PTPRK: variants seen among roughly 807,000 people sequenced by gnomAD.
The protein encoded by PTPRK is protein tyrosine phosphatase receptor type K.
A neutral mutation model predicts 178.0 loss-of-function variants in PTPRK; 75 were observed. That is an observed-to-expected ratio of 0.42 (90% confidence interval 0.35 to 0.51). The LOEUF is 0.51. Among genes scored for constraint, PTPRK ranks in the 20% least tolerant of loss-of-function variants. The pLI is 0.02. For missense variants in PTPRK, 1,441 were observed against 1,797.8 expected, an observed-to-expected ratio of 0.80 and a Z score of 3.59; for synonymous variants, 637 against 620.6, an observed-to-expected ratio of 1.03 and a Z score of -0.39.
intron 3 of PTPRK, among the ~76,000 whole-genome samples, chr6:128,296,428 T>C (rs1430624840): frequency 6.6e-6 from 1 of 152,050 alleles, no homozygotes; most frequent in Non-Finnish European, 1.5e-5. Flanking sequence ...ATTGTCAGAT[T>C]CACCAAAGTT....
chr6:128,043,036 T>A (rs1160483188), intron 13 of PTPRK, among the ~76,000 whole-genome samples: 1 of 152,038 alleles, frequency 6.6e-6, no homozygotes. Flanking sequence ...AATTTAGACT[T>A]TACTGTTGAT....
chr6:128,425,597 C>T lies in PTPRK; in HGVS notation c.101-27909G>A, dbSNP rs529956021. On this transcript the variant is annotated intron_variant, in intron 1 of 29. Transcript: ENST00000368226. ...TTTCATAACTTTTCTTCTACAACTA[C>T]CACAACTATCCCAGGTTAGACCAAC... Among the ~76,000 whole-genome samples, 3 of 152,272 alleles carry T rather than the reference C, an allele frequency of 2.0e-5. No individual in the cohort carries two copies. The South Asian group carries it at 6.2e-4, about 32-fold the overall frequency.
intron 1 of PTPRK, among the ~76,000 whole-genome samples, chr6:128,481,706 AT>A (rs1852103188): frequency 6.6e-6 from 1 of 152,064 alleles, no homozygotes; most frequent in Non-Finnish European, 1.5e-5. Flanking sequence ...GATTGAAAAT[AT>A]TATAATTATA....
At chr6:128,296,688 A>G (rs557219809) in intron 3 of PTPRK, among the ~76,000 whole-genome samples, 7,370 of 152,198 alleles carry the variant, frequency 0.048, 598 homozygotes, top group African/African-American at 0.17. Flanking sequence ...AGATTTTGTC[A>G]CCACCAGGCC....
At chr6:128,125,195 T>C (rs545476469) in intron 7 of PTPRK, among the ~76,000 whole-genome samples, 1 of 152,302 alleles carries the variant, frequency 6.6e-6, no homozygotes, top group African/African-American at 2.4e-5. Flanking sequence ...TGAATCTGTG[T>C]CCCCACCCAA....
intron 1 of PTPRK, among the ~76,000 whole-genome samples, chr6:128,479,597 G>A (rs999272267): frequency 6.6e-6 from 1 of 151,994 alleles, no homozygotes; most frequent in Non-Finnish European, 1.5e-5. Flanking sequence ...TCACACATAG[G>A]TTTTCACTCT....
At chr6:128,411,106 T>C (rs973781063) in intron 1 of PTPRK, among the ~76,000 whole-genome samples, 1 of 152,134 alleles carries the variant, frequency 6.6e-6, no homozygotes, top group South Asian at 2.1e-4. Flanking sequence ...CTGCCCAGGC[T>C]AGTCTCGAAC....
At chr6:128,132,117 C>T (rs1214174090) in intron 7 of PTPRK, among the ~76,000 whole-genome samples, 4 of 152,260 alleles carry the variant, frequency 2.6e-5, no homozygotes, top group South Asian at 4.2e-4. Context: ...TAAAAGCACA[C>T]TAAAATACTA....
chr6:128,321,807 C>A, intron 3 of PTPRK: 1 of 713,154 alleles, frequency 1.4e-6, no homozygotes, highest in South Asian at 1.5e-5. Context: ...GGTTTTGTGC[C>A]AATGTCTCCA....
At chr6:128,354,298 C>A (rs1833661649) in intron 2 of PTPRK, among the ~76,000 whole-genome samples, 1 of 113,498 alleles carries the variant, frequency 8.8e-6, no homozygotes, top group Non-Finnish European at 1.6e-5. Context: ...AGTGTAGTGG[C>A]ACCATCTCGG....
chr6:128,224,707 G>A (rs915937956), intron 5 of PTPRK, among the ~76,000 whole-genome samples: 6 of 152,168 alleles, frequency 3.9e-5, no homozygotes, highest in Admixed American at 1.3e-4. Context: ...TTCTGGCCAA[G>A]GAGATATGAT....
chr6:128,200,151 C>A (rs1363526713), intron 6 of PTPRK, among the ~76,000 whole-genome samples: 1 of 152,066 alleles, frequency 6.6e-6, no homozygotes, highest in African/African-American at 2.4e-5. Context: ...GAATATATTT[C>A]TTTTATGTAA....
At chr6:128,378,184 T>C (rs1005620660) in intron 2 of PTPRK, among the ~76,000 whole-genome samples, 24 of 152,120 alleles carry the variant, frequency 1.6e-4, no homozygotes, top group Admixed American at 8.5e-4. Context: ...AGAAAACAAA[T>C]ATAATTAAGT....
intron 25 of PTPRK, 26 bp downstream of exon 25, chr6:127,981,090 C>T (rs1775290337): frequency 6.2e-7 from 1 of 1,604,484 alleles, no homozygotes; most frequent in Non-Finnish European, 8.5e-7. Context: ...CAACACTCTA[C>T]ACTAACAAAG....
chr6:128,039,343 CAG>C (rs1776775250), intron 13 of PTPRK, among the ~76,000 whole-genome samples: 1 of 152,058 alleles, frequency 6.6e-6, no homozygotes, highest in Non-Finnish European at 1.5e-5. Context: ...ATTTAAAAAA[CAG>C]TGTATTTTTC....
chr6:128,146,007 T>G (rs1172050728), intron 7 of PTPRK, among the ~76,000 whole-genome samples: 1 of 152,196 alleles, frequency 6.6e-6, no homozygotes. Context: ...TCTTTCTCTG[T>G]ACAAATGCAA....
chr6:128,346,532 T>C (rs1301828894), intron 2 of PTPRK, among the ~76,000 whole-genome samples: 2 of 152,172 alleles, frequency 1.3e-5, no homozygotes, highest in Non-Finnish European at 2.9e-5. Flanking sequence ...ATAGAATTGC[T>C]TTATTTTTTA....
chr6:128,475,561 C>A (rs550864919), intron 1 of PTPRK, among the ~76,000 whole-genome samples: 2 of 152,096 alleles, frequency 1.3e-5, no homozygotes, highest in East Asian at 1.9e-4. Flanking sequence ...GGAGACAGTG[C>A]AAGATTTGAT....
intron 5 of PTPRK, among the ~76,000 whole-genome samples, chr6:128,239,402 G>T (rs1172810980): frequency 6.6e-6 from 1 of 152,072 alleles, no homozygotes; most frequent in Non-Finnish European, 1.5e-5. Flanking sequence ...TTCTCTGAAG[G>T]CAAGGCATAT....
Sources: allele counts gnomAD v4.1 joint callset (sites outside exome capture counted in the v4.1 genomes callset), GRCh38; gene constraint gnomAD v4.1.1; transcripts MANE v1.5; gene names NCBI Gene and HGNC (gene_info 2026-07-23, HGNC 2026-07-21).